Variants in SPESP1 observed in about 807,000 individuals in gnomAD.
SPESP1 encodes equatorial segment protein.
Under a neutral mutation model 3.1 loss-of-function variants are expected in SPESP1, and 1 was observed. That is an observed-to-expected ratio of 0.33 (90% confidence interval 0.12 to 1.54). The LOEUF is 1.54. SPESP1 is among the 40% of genes most tolerant of loss of function. The pLI is 0.38. For missense variants in SPESP1, 398 were observed against 410.1 expected (o/e 0.97, Z 0.26); for synonymous variants, 138 against 150.7 (o/e 0.92, Z 0.62).
intron 1 of SPESP1, among the ~76,000 whole-genome samples, chr15:68,941,486 C>G (rs1180059607): frequency 6.6e-6 from 1 of 152,162 alleles, no homozygotes; most frequent in Non-Finnish European, 1.5e-5. Flanking sequence ...CTTCTGGAAA[C>G]TCAAGGGAAA....
intron 1 of SPESP1, among the ~76,000 whole-genome samples, chr15:68,935,183 A>T (rs1895651812): frequency 6.6e-6 from 1 of 152,230 alleles, no homozygotes; most frequent in Admixed American, 6.5e-5. Context: ...CAATTATAAC[A>T]TTACTCATAG....
chr15:68,932,525 G>A (rs985188220), intron 1 of SPESP1, among the ~76,000 whole-genome samples: 3 of 152,040 alleles, frequency 2.0e-5, no homozygotes, highest in Non-Finnish European at 4.4e-5. Context: ...TGAGTAGCTG[G>A]GATTATAGGC....
chr15:68,945,385 T>C (rs1325695139), intron 1 of SPESP1, among the ~76,000 whole-genome samples: 1 of 152,248 alleles, frequency 6.6e-6, no homozygotes, highest in Non-Finnish European at 1.5e-5. Context: ...ACTTTTGCAC[T>C]AATCTTGCTC....
chr15:68,939,845 T>A (rs1404014709), intron 1 of SPESP1: 1 of 152,212 alleles, frequency 6.6e-6, no homozygotes, highest in Non-Finnish European at 1.5e-5. Context: ...TCACCTAATA[T>A]CCACCTGGGT....
chr15:68,940,707 C>G (rs909397660), intron 1 of SPESP1, among the ~76,000 whole-genome samples: 1 of 147,278 alleles, frequency 6.8e-6, no homozygotes, highest in African/African-American at 2.5e-5. Context: ...TATATATTTT[C>G]TGTATATTGT....
intron 1 of SPESP1, among the ~76,000 whole-genome samples, chr15:68,939,546 G>C (rs775488063): frequency 6.6e-6 from 1 of 152,156 alleles, no homozygotes; most frequent in South Asian, 2.1e-4. Context: ...CTGATTAGTA[G>C]AACTGAGAAG....
intron 1 of SPESP1, among the ~76,000 whole-genome samples, chr15:68,933,482 A>G (rs941808685): frequency 6.6e-6 from 1 of 152,174 alleles, no homozygotes; most frequent in Non-Finnish European, 1.5e-5. Flanking sequence ...ATGGGAAAGT[A>G]TTTAATGTAT....
chr15:68,946,651 C>T lies in SPESP1; in HGVS notation c.*64C>T. 1 of 1,322,564 alleles carries T rather than the reference C, an allele frequency of 7.6e-7. No individual in the cohort carries two copies. The highest frequency in any genetic ancestry group is 3.5e-5 in the Admixed American group (1 of 28,694). The allele number at this position is 1,322,564 out of a possible 1,614,324, so 81.9% of individuals were successfully genotyped here. Reference sequence around the variant, plus strand: ...TAACAAAGCTGATTTAAGCAAACTGCATTTTTTCACAGGAGAAATAATCAT... The same window carrying T: ...TAACAAAGCTGATTTAAGCAAACTGTATTTTTTCACAGGAGAAATAATCAT... On this transcript the variant is annotated 3_prime_UTR_variant, in exon 2 of 2. Coordinates refer to ENST00000310673, the MANE Select transcript of SPESP1 (RefSeq NM_145658.4).
intron 1 of SPESP1, among the ~76,000 whole-genome samples, chr15:68,932,023 G>A (rs1479069718): frequency 6.6e-6 from 1 of 152,234 alleles, no homozygotes; most frequent in Non-Finnish European, 1.5e-5. Flanking sequence ...AGTTCTAGAT[G>A]AAGTTCTAGG....
chr15:68,943,837 C>CAA, intron 1 of SPESP1, among the ~76,000 whole-genome samples: 1 of 137,618 alleles, frequency 7.3e-6, no homozygotes, highest in East Asian at 2.1e-4. Flanking sequence ...CCTTAAAACT[C>CAA]AAAAAAAAAA....
chr15:68,940,931 C>A (rs948810143), intron 1 of SPESP1, among the ~76,000 whole-genome samples: 2 of 151,944 alleles, frequency 1.3e-5, no homozygotes, highest in Non-Finnish European at 2.9e-5. Flanking sequence ...AAATAGTTTA[C>A]AGATTGAAAC....
At position 68,946,652 on chromosome 15, in the gene SPESP1, A is replaced by T. The variant is rs1418911009; in HGVS notation, c.*65A>T. ...AACAAAGCTGATTTAAGCAAACTGC[A>T]TTTTTTCACAGGAGAAATAATCATA... On this transcript the variant is annotated 3_prime_UTR_variant, in exon 2 of 2. Transcript: ENST00000310673. The T allele has an allele frequency of 1.5e-6, 2 of 1,325,662 alleles. No individual in the cohort carries two copies. The highest frequency in any genetic ancestry group is 3.0e-5 in the African/African-American group (2 of 66,160). The allele number at this position is 1,325,662 out of a possible 1,614,324, so 82.1% of individuals were successfully genotyped here.
intron 1 of SPESP1, among the ~76,000 whole-genome samples, chr15:68,941,180 G>T (rs1400017607): frequency 6.6e-6 from 1 of 151,962 alleles, no homozygotes; most frequent in Non-Finnish European, 1.5e-5. Flanking sequence ...GAAAAAAATT[G>T]ACATTTTTAG....
chr15:68,930,723 T>TGACGGGCCTGAGGAGGC lies in SPESP1; in HGVS notation c.64+7_64+23dup, dbSNP rs1400386087. 1 of 1,613,828 alleles carries TGACGGGCCTGAGGAGGC rather than the reference T, an allele frequency of 6.2e-7. No individual in the cohort carries two copies. The highest frequency in any genetic ancestry group is 8.5e-7 in the Non-Finnish European group (1 of 1,179,790). ...GTCTGTGCCGGCTTATCCGAGTGAGTGACGGGCCTGAGGAGGCAGCGGACC... is the reference window on the plus strand; with the variant it reads ...GTCTGTGCCGGCTTATCCGAGTGAGTGACGGGCCTGAGGAGGCGACGGGCCTGAGGAGGCAGCGGACC... On this transcript the variant is annotated splice_region_variant and intron_variant, in intron 1 of 1. Coordinates refer to ENST00000310673, the MANE Select transcript of SPESP1 (RefSeq NM_145658.4).
At position 68,930,737 on chromosome 15, in the gene SPESP1, A is replaced by C; in HGVS notation, c.64+20A>C. 1 of 1,613,676 alleles carries C rather than the reference A, an allele frequency of 6.2e-7. No individual in the cohort carries two copies. Among genetic ancestry groups the C allele is most frequent in the South Asian group, 1.1e-5 (1 of 91,072 alleles). On this transcript the variant is annotated intron_variant, in intron 1 of 1. Transcript: ENST00000310673. ...ATCCGAGTGAGTGACGGGCCTGAGG[A>C]GGCAGCGGACCGGGGACACCCTGGG...
chr15:68,937,507 A>T (rs1188956736), intron 1 of SPESP1, among the ~76,000 whole-genome samples: 2 of 146,636 alleles, frequency 1.4e-5, no homozygotes, highest in African/African-American at 2.5e-5. Flanking sequence ...TATTTCTTCT[A>T]AAAAAAAAAC....
In SPESP1 at chr15:68,930,620, C is replaced by T. The variant is rs767391872; in HGVS notation, c.-34C>T. The T allele has an allele frequency of 6.2e-7, 1 of 1,613,090 alleles. No homozygotes were observed. The highest frequency in any genetic ancestry group is 8.5e-7 in the Non-Finnish European group (1 of 1,179,348). Reference sequence around the variant, plus strand: ...CCCAGCCTGGTGGCCCCAGGACGTTCCGGTCGCATGGCAGAGTGCTACGGA... The same window carrying T: ...CCCAGCCTGGTGGCCCCAGGACGTTTCGGTCGCATGGCAGAGTGCTACGGA... On this transcript the variant is annotated 5_prime_UTR_variant, in exon 1 of 2. Coordinates refer to ENST00000310673, the MANE Select transcript of SPESP1 (RefSeq NM_145658.4).
chr15:68,945,714 T>A lies in SPESP1; in HGVS notation c.180T>A (p.Ser60=), dbSNP rs1895941011. 1.2e-6 allele frequency: 2 copies of A among 1,613,930 alleles called. No individual in the cohort carries two copies. The highest frequency in any genetic ancestry group is 1.7e-5 in the Admixed American group (1 of 59,970). The change falls in exon 2 of 2, where the codon TCT becomes TCA. Residue 60 remains serine (S), a synonymous_variant. Coordinates refer to ENST00000310673, the MANE Select transcript of SPESP1 (RefSeq NM_145658.4). Reference sequence around the variant, plus strand: ...CAGGTCGTGAGAAAAAATCTAACTCTCCAAAACATGTTTATTCTATAGCAT... The same window carrying A: ...CAGGTCGTGAGAAAAAATCTAACTCACCAAAACATGTTTATTCTATAGCAT... The part of the protein sequence containing the change: ...GEPGREKKSN[S]PKHVYSIASK...
At chr15:68,944,517 T>C (rs892891501) in intron 1 of SPESP1, among the ~76,000 whole-genome samples, 10 of 152,012 alleles carry the variant, frequency 6.6e-5, no homozygotes, top group African/African-American at 2.2e-4. Context: ...GTCAAGAATA[T>C]ATATATATTT....
Sources: allele counts gnomAD v4.1 joint callset (sites outside exome capture counted in the v4.1 genomes callset), GRCh38; gene constraint gnomAD v4.1.1; transcripts MANE v1.5; gene names NCBI Gene and HGNC (gene_info 2026-07-23, HGNC 2026-07-21).